GLYATL2: variants seen among roughly 807,000 people sequenced by gnomAD.
GLYATL2 encodes the protein glycine N-acyltransferase-like protein 2.
GLYATL2 carries 25 observed loss-of-function variants against 21.4 expected under a neutral mutation model. The observed-to-expected ratio is 1.17, with a 90% CI of 0.85 to 1.63. The LOEUF (loss-of-function observed/expected upper bound fraction) is 1.63. Among genes scored for constraint, GLYATL2 ranks in the 40% most tolerant of loss-of-function variants. GLYATL2 has a pLI of 0.00. For missense variants in GLYATL2, 361 were observed against 343.3 expected, an observed-to-expected ratio of 1.05 and a Z score of -0.41; for synonymous variants, 114 against 118.2, an observed-to-expected ratio of 0.96 and a Z score of 0.23.
At chr11:58,843,977 G>T (rs551668318) in intron 1 of GLYATL2, among the ~76,000 whole-genome samples, 2 of 152,274 alleles carry the variant, frequency 1.3e-5, no homozygotes, top group South Asian at 4.1e-4. Flanking sequence ...AGAGAAATTT[G>T]GCAGAGGGCA....
chr11:58,900,237 T>C (rs559050824), intron 1 of GLYATL2, among the ~76,000 whole-genome samples: 53 of 152,270 alleles, frequency 3.5e-4, no homozygotes, highest in Admixed American at 1.5e-3. Flanking sequence ...CATGCATGCA[T>C]TGAAATCCTG....
intron 1 of GLYATL2, among the ~76,000 whole-genome samples, chr11:58,871,686 A>G (rs1180333290): frequency 3.3e-5 from 5 of 151,996 alleles, no homozygotes; most frequent in African/African-American, 1.2e-4. Context: ...TCTATCATTG[A>G]TGGACATTTG....
chr11:58,863,470 C>G (rs1269531399), intron 1 of GLYATL2, among the ~76,000 whole-genome samples: 4 of 152,168 alleles, frequency 2.6e-5, no homozygotes, highest in Admixed American at 6.5e-5. Context: ...TGATGGCCAG[C>G]CTAGCATCAG....
chr11:58,873,928 G>A (rs947091920), intron 1 of GLYATL2, among the ~76,000 whole-genome samples: 2 of 151,940 alleles, frequency 1.3e-5, no homozygotes, highest in South Asian at 4.2e-4. Context: ...GACTTTTTTT[G>A]GTTGGTAAGC....
chr11:58,909,533 T>C, the GLYATL2 span, among the ~76,000 whole-genome samples: 2 of 152,196 alleles, frequency 1.3e-5, no homozygotes, highest in African/African-American at 4.8e-5. Context: ...TTACGCATTC[T>C]GTATGTCTAA....
chr11:58,895,403 A>G (rs910888188), intron 1 of GLYATL2, among the ~76,000 whole-genome samples: 1 of 152,164 alleles, frequency 6.6e-6, no homozygotes, highest in East Asian at 1.9e-4. Flanking sequence ...ACAAAATTTC[A>G]TAGACTGAGT....
intron 1 of GLYATL2, among the ~76,000 whole-genome samples, chr11:58,863,225 G>T (rs1853963395): frequency 1.3e-5 from 2 of 152,224 alleles, no homozygotes; most frequent in Admixed American, 6.5e-5. Flanking sequence ...GTCCACAGGG[G>T]CTGACACAGC....
At chr11:58,841,877 T>C (rs1441701020) in intron 1 of GLYATL2, among the ~76,000 whole-genome samples, 1 of 152,150 alleles carries the variant, frequency 6.6e-6, no homozygotes, top group Non-Finnish European at 1.5e-5. Context: ...TAGGAGTTGA[T>C]TACTGACTTG....
Position 58,839,620 on chromosome 11 carries a change from A to G in GLYATL2, c.-8T>C, listed in dbSNP as rs935486331. 6.9e-6 allele frequency: 11 copies of G among 1,600,576 alleles called. No individual in the cohort carries two copies. In the East Asian group the frequency reaches 1.3e-4, roughly 19 times the overall value. ...GTTATGAAGCACAAGCATCTTATGT[A>G]GCACTTCAGCTTCTTTCCCTCAAGA... is the stretch of plus-strand genomic sequence containing the variant. On this transcript the variant is annotated 5_prime_UTR_variant, in exon 2 of 6. Transcript: ENST00000287275.
rs191075220 is a variant in GLYATL2 at position 58,876,941 on chromosome 11, T to A, written n.60+27215A>T. 5.1e-3 allele frequency among the ~76,000 whole-genome samples: 771 copies of A among 152,360 alleles called. 5 individuals carry two copies. The highest frequency in any genetic ancestry group is 0.018 in the African/African-American group (735 of 41,580). The stretch of plus-strand genomic sequence containing the variant: ...TTGAGCTGTGGTGGGCTCCACCCAG[T>A]TCGAGCTTCCAGGCCACTTTGTTTA... On this transcript the variant is annotated intron_variant and non_coding_transcript_variant, in intron 1 of 4. Coordinates refer to the GLYATL2 transcript ENST00000533636.
At chr11:58,839,165 A>C (rs1853497917) in intron 2 of GLYATL2, among the ~76,000 whole-genome samples, 2 of 152,058 alleles carry the variant, frequency 1.3e-5, no homozygotes, top group African/African-American at 4.8e-5. Context: ...TTGGAGATGG[A>C]CTCTGCAAAT....
chr11:58,891,817 G>T (rs757350370), intron 1 of GLYATL2, among the ~76,000 whole-genome samples: 1 of 152,212 alleles, frequency 6.6e-6, no homozygotes, highest in African/African-American at 2.4e-5. Flanking sequence ...GGTGAGAGAA[G>T]CAGGGAGAGA....
chr11:58,891,872 G>A (rs1854550296), intron 1 of GLYATL2, among the ~76,000 whole-genome samples: 1 of 152,158 alleles, frequency 6.6e-6, no homozygotes, highest in Admixed American at 6.5e-5. Context: ...CGGTGATGCT[G>A]TATATAAAAT....
chr11:58,896,090 T>C (rs1854629837), intron 1 of GLYATL2, among the ~76,000 whole-genome samples: 2 of 152,128 alleles, frequency 1.3e-5, no homozygotes, highest in Admixed American at 6.5e-5. Flanking sequence ...CTTCTGACCT[T>C]GTGATCCACC....
At chr11:58,880,346 G>T (rs887161156) in intron 1 of GLYATL2, among the ~76,000 whole-genome samples, 1 of 152,224 alleles carries the variant, frequency 6.6e-6, no homozygotes, top group African/African-American at 2.4e-5. Context: ...CCTGAACTAA[G>T]GTCATTGCAA....
the GLYATL2 span, among the ~76,000 whole-genome samples, chr11:58,909,443 T>C: frequency 6.6e-6 from 1 of 152,166 alleles, no homozygotes. Context: ...TTGGAGGTGA[T>C]AGATAGGTTG....
intron 1 of GLYATL2, among the ~76,000 whole-genome samples, chr11:58,879,494 T>C (rs1184521555): frequency 6.6e-6 from 1 of 152,372 alleles, no homozygotes; most frequent in East Asian, 1.9e-4. Flanking sequence ...TTTAAACTTA[T>C]GTTTCATATA....
At chr11:58,857,501 G>T (rs568046441) in intron 1 of GLYATL2, among the ~76,000 whole-genome samples, 1 of 152,106 alleles carries the variant, frequency 6.6e-6, no homozygotes, top group Non-Finnish European at 1.5e-5. Flanking sequence ...GGGGCGGGGC[G>T]AGTGGGCTGA....
intron 1 of GLYATL2, among the ~76,000 whole-genome samples, chr11:58,857,337 T>C (rs1271493754): frequency 5.3e-5 from 8 of 152,220 alleles, no homozygotes; most frequent in Non-Finnish European, 1.5e-5. Context: ...CTATTCAAGA[T>C]GGCAGTGGGG....
Sources: allele counts gnomAD v4.1 joint callset (sites outside exome capture counted in the v4.1 genomes callset), GRCh38; gene constraint gnomAD v4.1.1; transcripts MANE v1.5; gene names NCBI Gene and HGNC (gene_info 2026-07-23, HGNC 2026-07-21).